CPS1: variants seen among roughly 807,000 people sequenced by gnomAD.
The protein encoded by CPS1 is carbamoyl-phosphate synthase [ammonia], mitochondrial.
A neutral mutation model predicts 174.6 loss-of-function variants in CPS1; 109 were observed. That is an observed-to-expected ratio of 0.62 (90% CI 0.53 to 0.73). The LOEUF is 0.73. Ranked by LOEUF, CPS1 falls within the 30% of genes least tolerant of loss-of-function variation. CPS1 has a pLI of 0.00. For missense variants in CPS1, 1,689 were observed against 1,821.9 expected, an observed-to-expected ratio of 0.93 and a Z score of 1.33; for synonymous variants, 637 against 632.0, an observed-to-expected ratio of 1.01 and a Z score of -0.12.
intron 9 of CPS1, 34 bp downstream of exon 9, chr2:210,590,940 A>G (rs1259299024): frequency 2.6e-6 from 4 of 1,530,480 alleles, no homozygotes; most frequent in Non-Finnish European, 3.6e-6. Context: ...ACAGTAAACC[A>G]GCTCTGACAT....
intron 1 of CPS1, among the ~76,000 whole-genome samples, chr2:210,523,214 C>T (rs772194862): frequency 1.3e-5 from 2 of 151,952 alleles, no homozygotes; most frequent in African/African-American, 2.4e-5. Flanking sequence ...GTAGAGAGAA[C>T]CAACTGGAAA....
intron 29 of CPS1, among the ~76,000 whole-genome samples, chr2:210,654,373 T>C (rs1559129605): frequency 6.6e-6 from 1 of 152,190 alleles, no homozygotes; most frequent in African/African-American, 2.4e-5. Flanking sequence ...GAATAGATTT[T>C]CTCTCTCATT....
At chr2:210,515,272 G>A (rs1422319603) in intron 1 of CPS1, among the ~76,000 whole-genome samples, 1 of 151,622 alleles carries the variant, frequency 6.6e-6, no homozygotes, top group African/African-American at 2.4e-5. Context: ...CTGTAGAATT[G>A]AAACAAGCTC....
At chr2:210,656,384 G>A in intron 29 of CPS1, 141 bp from the exon 30 acceptor site, 4 of 693,098 alleles carry the variant, frequency 5.8e-6, no homozygotes, top group Middle Eastern at 7.4e-4. Flanking sequence ...ATTTTCTACT[G>A]CTCTCATCAG....
intron 1 of CPS1, among the ~76,000 whole-genome samples, chr2:210,558,780 A>G (rs1169751886): frequency 6.6e-6 from 1 of 152,078 alleles, no homozygotes; most frequent in South Asian, 2.1e-4. Context: ...AAAATGGTCT[A>G]ATTATGTGGA....
At chr2:210,509,370 G>T (rs1695386816) in intron 1 of CPS1, among the ~76,000 whole-genome samples, 1 of 152,114 alleles carries the variant, frequency 6.6e-6, no homozygotes, top group African/African-American at 2.4e-5. Flanking sequence ...AGGTATTGAT[G>T]GGACATATCT....
intron 1 of CPS1, among the ~76,000 whole-genome samples, chr2:210,483,260 A>G (rs1694626038): frequency 6.6e-6 from 1 of 152,168 alleles, no homozygotes; most frequent in Admixed American, 6.5e-5. Context: ...AGGAACACAT[A>G]AAGGCCAAGA....
intron 1 of CPS1, among the ~76,000 whole-genome samples, chr2:210,499,564 G>A (rs184424442): frequency 6.6e-6 from 1 of 152,156 alleles, no homozygotes; most frequent in Non-Finnish European, 1.5e-5. Context: ...CCAAAGAATG[G>A]CTGACTTTGT....
intron 1 of CPS1, among the ~76,000 whole-genome samples, chr2:210,568,516 G>A (rs1697371942): frequency 6.6e-6 from 1 of 152,036 alleles, no homozygotes. Flanking sequence ...TTCATATAGT[G>A]TGAAGTTAAT....
chr2:210,528,814 C>CT (rs779266955), intron 1 of CPS1, among the ~76,000 whole-genome samples: 24,962 of 117,590 alleles, frequency 0.21, 3,103 homozygotes, highest in Middle Eastern at 0.26. Flanking sequence ...ATCAAGACAA[C>CT]TTTTTTTTTT....
At chr2:210,521,880 A>G (rs1160337691) in intron 1 of CPS1, among the ~76,000 whole-genome samples, 1 of 151,878 alleles carries the variant, frequency 6.6e-6, no homozygotes, top group Non-Finnish European at 1.5e-5. Context: ...ATTTGATGCT[A>G]GAGATTTTTG....
intron 1 of CPS1, among the ~76,000 whole-genome samples, chr2:210,571,940 A>G (rs1168665627): frequency 1.3e-5 from 2 of 149,304 alleles, no homozygotes; most frequent in Non-Finnish European, 3.0e-5. Flanking sequence ...GTGGGGTGGC[A>G]AGATTTAAAA....
intron 7 of CPS1, 140 bp from the exon 8 acceptor site, chr2:210,589,966 T>C: frequency 8.8e-7 from 1 of 1,130,252 alleles, no homozygotes; most frequent in Non-Finnish European, 1.3e-6. Flanking sequence ...AAGAAATTTT[T>C]GCTCAGCATT....
upstream of CPS1, among the ~76,000 whole-genome samples, chr2:210,555,016 A>G (rs535511870): frequency 1.3e-5 from 2 of 152,034 alleles, no homozygotes; most frequent in African/African-American, 4.8e-5. Context: ...TCTTCAACAC[A>G]AATTTCGCCT....
Position 210,573,395 on chromosome 2 carries a change from C to A in CPS1, c.224C>A (p.Thr75Asn), listed in dbSNP as rs760025125. Residue 75 changes from threonine (T) to asparagine (N), a missense_variant, in exon 2 of 38, where the codon ACT becomes AAT. Thr to Asn is a moderately conservative substitution (Grantham distance 65). Coordinates refer to ENST00000233072, the MANE Select transcript of CPS1 (RefSeq NM_001875.5). ...GTTGCTGGTGAAGTGGTTTTTAATA[C>A]TGGCCTGGGAGGGTGAGTAATGCTT... is the stretch of plus-strand genomic sequence containing the variant. The part of the protein sequence containing the change: ...SSVAGEVVFN[T>N]GLGGYPEAIT... 6.2e-7 allele frequency: 1 copy of A among 1,611,662 alleles called. No individual in the cohort carries two copies. The highest frequency in any genetic ancestry group is 1.1e-5 in the South Asian group (1 of 91,032).
At chr2:210,573,048 A>T (rs544117813) in intron 1 of CPS1, among the ~76,000 whole-genome samples, 4 of 152,202 alleles carry the variant, frequency 2.6e-5, no homozygotes, top group Admixed American at 1.3e-4. Flanking sequence ...AAGTAAACTT[A>T]GAATAGACAA....
chr2:210,569,096 A>G (rs1446255224), intron 1 of CPS1, among the ~76,000 whole-genome samples: 2 of 152,066 alleles, frequency 1.3e-5, no homozygotes, highest in African/African-American at 4.8e-5. Context: ...TGACTTGTCT[A>G]CTCTGTGCTA....
chr2:210,600,262 G>A (rs1476980749), intron 14 of CPS1, among the ~76,000 whole-genome samples: 1 of 151,786 alleles, frequency 6.6e-6, no homozygotes, highest in African/African-American at 2.4e-5. Context: ...ACTTTAGGAG[G>A]AAAGGGAATA....
intron 1 of CPS1, among the ~76,000 whole-genome samples, chr2:210,538,355 A>G (rs1696313780): frequency 6.6e-6 from 1 of 152,136 alleles, no homozygotes; most frequent in African/African-American, 2.4e-5. Context: ...ACTTTTGTAT[A>G]TTACAGATTG....
Sources: allele counts gnomAD v4.1 joint callset (sites outside exome capture counted in the v4.1 genomes callset), GRCh38; gene constraint gnomAD v4.1.1; transcripts MANE v1.5; gene names NCBI Gene and HGNC (gene_info 2026-07-23, HGNC 2026-07-21).